Variants in SMIM35 observed in about 807,000 individuals in gnomAD.
SMIM35 encodes small integral membrane protein 35.
intron 1 of SMIM35, among the ~76,000 whole-genome samples, chr11:118,047,422 T>C (rs747975073): frequency 5.9e-5 from 9 of 151,996 alleles, no homozygotes; most frequent in Non-Finnish European, 1.2e-4. Flanking sequence ...GCTTTGGAGG[T>C]TGGCATTCTG....
At chr11:118,013,925 C>A (rs760312609) in intron 3 of SMIM35, 45 bp from the exon 4 acceptor site, 1 of 398,876 alleles carries the variant, frequency 2.5e-6, no homozygotes, top group Non-Finnish European at 4.4e-6. Flanking sequence ...GATAACCTAG[C>A]CTCTCCCTGG....
chr11:118,069,579 T>G (rs1944538411), intron 1 of SMIM35, among the ~76,000 whole-genome samples: 1 of 152,176 alleles, frequency 6.6e-6, no homozygotes, highest in South Asian at 2.1e-4. Flanking sequence ...ATATATGCTT[T>G]AGAGACTGTT....
At chr11:118,080,681 C>G (rs538233556) in intron 1 of SMIM35, among the ~76,000 whole-genome samples, 3 of 152,166 alleles carry the variant, frequency 2.0e-5, no homozygotes, top group Non-Finnish European at 4.4e-5. Context: ...GAGAGACCAG[C>G]TCAAGGGGGT....
intron 1 of SMIM35, among the ~76,000 whole-genome samples, chr11:118,066,608 T>C (rs936552858): frequency 2.0e-5 from 3 of 152,164 alleles, no homozygotes; most frequent in Non-Finnish European, 4.4e-5. Context: ...CACTAGCCAA[T>C]ATCTGAAGGC....
At chr11:118,068,462 C>T (rs979140884) in intron 1 of SMIM35, among the ~76,000 whole-genome samples, 1 of 152,210 alleles carries the variant, frequency 6.6e-6, no homozygotes, top group African/African-American at 2.4e-5. Context: ...TTTGTGTCCT[C>T]AGTGTCCAGC....
At chr11:118,009,645 T>C (rs1247815657) in intron 4 of SMIM35, among the ~76,000 whole-genome samples, 1 of 151,994 alleles carries the variant, frequency 6.6e-6, no homozygotes, top group Non-Finnish European at 1.5e-5. Context: ...ATTGACACTT[T>C]GTACTTGCAT....
chr11:118,058,664 T>C (rs1171055501), intron 1 of SMIM35, among the ~76,000 whole-genome samples: 1 of 152,106 alleles, frequency 6.6e-6, no homozygotes, highest in Non-Finnish European at 1.5e-5. Context: ...CAGTGCAGAC[T>C]GGGAACCAAA....
At chr11:118,043,858 G>A (rs1365398991) in intron 1 of SMIM35, among the ~76,000 whole-genome samples, 1 of 149,760 alleles carries the variant, frequency 6.7e-6, no homozygotes, top group Non-Finnish European at 1.5e-5. Context: ...CAGGGGAAGT[G>A]GGGAGAAAAG....
chr11:118,073,984 G>C (rs188651895), intron 1 of SMIM35, among the ~76,000 whole-genome samples: 4 of 152,208 alleles, frequency 2.6e-5, no homozygotes, highest in Non-Finnish European at 4.4e-5. Flanking sequence ...AGCTGGACGA[G>C]ACCTGTTGGT....
intron 1 of SMIM35, among the ~76,000 whole-genome samples, chr11:118,073,075 G>T (rs533559937): frequency 1.3e-5 from 2 of 152,220 alleles, no homozygotes; most frequent in East Asian, 3.9e-4. Context: ...CCTCCACCAC[G>T]CCCGGCTAAT....
At chr11:118,077,704 T>C (rs1469533668) in intron 1 of SMIM35, among the ~76,000 whole-genome samples, 1 of 152,180 alleles carries the variant, frequency 6.6e-6, no homozygotes, top group Non-Finnish European at 1.5e-5. Flanking sequence ...GGAAACTGAT[T>C]CCTTTTCTTT....
At chr11:118,083,835 A>G (rs1485081923) in intron 1 of SMIM35, among the ~76,000 whole-genome samples, 1 of 152,082 alleles carries the variant, frequency 6.6e-6, no homozygotes, top group East Asian at 1.9e-4. Context: ...GGCAGATCAC[A>G]TGAGGTCAGG....
intron 1 of SMIM35, among the ~76,000 whole-genome samples, chr11:118,052,016 G>A (rs1944224625): frequency 6.6e-6 from 1 of 152,102 alleles, no homozygotes; most frequent in Admixed American, 6.5e-5. Context: ...AGAACATGGC[G>A]CTGATGACAT....
chr11:118,046,468 T>C (rs1944098506), intron 1 of SMIM35, among the ~76,000 whole-genome samples: 1 of 152,204 alleles, frequency 6.6e-6, no homozygotes, highest in African/African-American at 2.4e-5. Context: ...GGTGCCTGGC[T>C]GTGTCAGAAA....
rs375388446 is a variant in SMIM35 at position 118,077,357 on chromosome 11, T to C, written c.7+9394A>G. The C allele has an allele frequency of 1.9e-4, 288 of 1,552,082 alleles. 2 individuals carry two copies. In the African/African-American group the frequency reaches 2.2e-3, roughly 12 times the overall value. ...GACACAGGAAGGGTGGGTCTCCCCATGTAAGGCCCTTCAAGCAGCCTGAGC... is the reference window on the plus strand; with the variant it reads ...GACACAGGAAGGGTGGGTCTCCCCACGTAAGGCCCTTCAAGCAGCCTGAGC... On this transcript the variant is annotated intron_variant, in intron 1 of 4. Coordinates refer to ENST00000689828, the MANE Select transcript of SMIM35 (RefSeq NM_001394165.1).
intron 1 of SMIM35, among the ~76,000 whole-genome samples, chr11:118,054,950 C>T (rs748904103): frequency 6.6e-6 from 1 of 151,866 alleles, no homozygotes; most frequent in African/African-American, 2.4e-5. Context: ...ATTACAGGTG[C>T]GCGCCACCAT....
chr11:118,036,535 T>C (rs2058360539), intron 1 of SMIM35, among the ~76,000 whole-genome samples: 1 of 152,190 alleles, frequency 6.6e-6, no homozygotes, highest in African/African-American at 2.4e-5. Context: ...GGCTGATTGG[T>C]AACGTGCTGC....
intron 1 of SMIM35, among the ~76,000 whole-genome samples, chr11:118,027,628 G>A (rs1438285407): frequency 2.0e-5 from 3 of 152,186 alleles, no homozygotes; most frequent in African/African-American, 7.2e-5. Flanking sequence ...GCTATGTGGA[G>A]CTTCTTTATG....
intron 1 of SMIM35, among the ~76,000 whole-genome samples, chr11:118,032,610 A>G (rs1217651624): frequency 1.3e-5 from 2 of 152,084 alleles, no homozygotes; most frequent in African/African-American, 4.8e-5. Context: ...TTACTCTAAT[A>G]AAAACAAATA....
Sources: gnomAD v4.1 joint callset for allele counts (sites outside exome capture counted in the v4.1 genomes callset) on GRCh38, gnomAD v4.1.1 for gene constraint, MANE v1.5 for transcripts, NCBI Gene and HGNC (gene_info 2026-07-23, HGNC 2026-07-21) for gene names.